The following C1QBP variants were observed in gnomAD, a reference collection of about 807,000 sequenced individuals.
The protein encoded by C1QBP is complement C1q binding protein.
Under a neutral mutation model 29.4 loss-of-function variants are expected in C1QBP, and 24 were observed. The ratio of observed to expected loss-of-function variants is 0.82; its 90% CI spans 0.59 to 1.15. C1QBP has a LOEUF of 1.15. Among genes scored for constraint, C1QBP ranks in the 50% most tolerant of loss-of-function variants. The pLI is 0.00. For synonymous variants in C1QBP, 182 were observed against 149.2 expected (o/e 1.22, Z -1.60); for missense variants, 337 against 355.8 (o/e 0.95, Z 0.43).
rs144122314 is a variant in C1QBP, at chr17:5,433,346, C to T, written c.646G>A (p.Glu216Lys). 5.7e-5 allele frequency: 92 copies of T among 1,614,148 alleles called. No homozygotes were observed. The East Asian group carries it at 1.2e-3, about 21-fold the overall frequency. ...TAATTAGTATCCTTCCATTCAGACT[C>T]GCCAGTGGACTGAAAGCTAACTTCC... ...IREVSFQSTG[E>K]SEWKDTNYTL... The change falls in exon 5 of 6, where the codon GAG (glutamate) becomes AAG (lysine). Residue 216 changes from glutamate (E) to lysine (K), a missense_variant. By Grantham distance (56) the Glu-to-Lys change is moderately conservative (BLOSUM62 1). Coordinates refer to ENST00000225698, the MANE Select transcript of C1QBP (RefSeq NM_001212.4).
At position 5,438,116 on chromosome 17, in the gene C1QBP, T is replaced by C. The variant is rs200416060; in HGVS notation, c.383+7A>G. 1 of 1,611,834 alleles carries C rather than the reference T, an allele frequency of 6.2e-7. No individual in the cohort carries two copies. Among genetic ancestry groups the C allele is most frequent in the Non-Finnish European group, 8.5e-7 (1 of 1,179,854 alleles). On this transcript the variant is annotated splice_region_variant and intron_variant, in intron 2 of 5. Coordinates refer to ENST00000225698, the MANE Select transcript of C1QBP (RefSeq NM_001212.4). Reference sequence around the variant, plus strand: ...TGCTGCCCTGGGATCCCCAGACCAGTACTTACTTTTCCCCGGCAACTTTCC... The same window carrying C: ...TGCTGCCCTGGGATCCCCAGACCAGCACTTACTTTTCCCCGGCAACTTTCC...
At chr17:5,438,420 A>G in intron 1 of C1QBP, 147 bp from the exon 2 acceptor site, 1 of 1,051,462 alleles carries the variant, frequency 9.5e-7, no homozygotes, top group Non-Finnish European at 1.3e-6. Flanking sequence ...CCTTATCGGT[A>G]AAAATACCAT....
intron 2 of C1QBP, among the ~76,000 whole-genome samples, chr17:5,435,915 A>C (rs928424184): frequency 1.3e-5 from 2 of 148,908 alleles, no homozygotes; most frequent in African/African-American, 5.1e-5. Flanking sequence ...GCGTGGTGGT[A>C]CGCGCCTGTA....
intron 2 of C1QBP, among the ~76,000 whole-genome samples, chr17:5,436,507 C>G (rs1053854088): frequency 1.3e-5 from 2 of 151,500 alleles, no homozygotes; most frequent in African/African-American, 4.9e-5. Context: ...ACAAGTTGCA[C>G]TTGGTGAATT....
At chr17:5,435,147 C>A (rs954363800) in intron 2 of C1QBP, among the ~76,000 whole-genome samples, 181 bp from the exon 3 acceptor site, 2 of 152,232 alleles carry the variant, frequency 1.3e-5, no homozygotes, top group African/African-American at 4.8e-5. Context: ...TACATCCAAT[C>A]CTGAGTGACT....
chr17:5,438,289 A>C lies in C1QBP; in HGVS notation c.233-16T>G. On this transcript the variant is annotated splice_polypyrimidine_tract_variant and intron_variant, in intron 1 of 5. Transcript: ENST00000225698. ...GCTTTGTCTCCTAGAAAAGAAATCC[A>C]GATACATAAAAAGGAAAGCCAGTTA... is the stretch of plus-strand genomic sequence containing the variant. 1 of 1,610,872 alleles carries C rather than the reference A, an allele frequency of 6.2e-7. No individual in the cohort carries two copies. The highest frequency in any genetic ancestry group is 1.7e-4 in the Middle Eastern group (1 of 6,044).
rs755568057 is a variant in C1QBP, at chr17:5,433,680, GATA to G, written c.562_564del (p.Tyr188del). On this transcript the variant is annotated inframe_deletion, in exon 4 of 6. Transcript: ENST00000225698. ...TCCATCCTGCATACCTCATCCTCTG[GATA>G]ATGACAGTCCAACACAAGGGCCTTC... 9 of 1,614,010 alleles carry G rather than the reference GATA, an allele frequency of 5.6e-6. No individual in the cohort carries two copies. The highest frequency in any genetic ancestry group is 5.3e-5 in the African/African-American group (4 of 74,906).
At chr17:5,434,290 C>T (rs960951195) in intron 3 of C1QBP, among the ~76,000 whole-genome samples, 9 of 152,124 alleles carry the variant, frequency 5.9e-5, no homozygotes, top group African/African-American at 1.7e-4. Context: ...AGAGCTGCGC[C>T]GTCCACACCA....
intron 2 of C1QBP, 67 bp from the exon 3 acceptor site, chr17:5,435,033 C>A: frequency 1.5e-6 from 2 of 1,334,426 alleles, no homozygotes. Context: ...AGCAGGTTAA[C>A]ACATAAACAT....
intron 3 of C1QBP, 28 bp from the exon 4 acceptor site, chr17:5,433,795 T>C (rs868858782): frequency 6.3e-7 from 1 of 1,589,354 alleles, no homozygotes; most frequent in South Asian, 1.1e-5. Flanking sequence ...CAATACATGC[T>C]GCTGCTGGAA....
At chr17:5,438,776 C>G (rs1164365729) in intron 1 of C1QBP, 66 bp downstream of exon 1, 5 of 1,544,246 alleles carry the variant, frequency 3.2e-6, no homozygotes, top group Non-Finnish European at 4.4e-6. Flanking sequence ...GGTTGCAGGC[C>G]CTATTCCTGG....
chr17:5,436,784 C>A (rs889504779), intron 2 of C1QBP, among the ~76,000 whole-genome samples: 43 of 152,124 alleles, frequency 2.8e-4, no homozygotes, highest in African/African-American at 9.2e-4. Flanking sequence ...CTTTGGGAGG[C>A]CAAGGCGGGC....
At chr17:5,436,246 C>T (rs1409359821) in intron 2 of C1QBP, among the ~76,000 whole-genome samples, 1 of 150,812 alleles carries the variant, frequency 6.6e-6, no homozygotes, top group Non-Finnish European at 1.5e-5. Flanking sequence ...TTTTTAATGG[C>T]CCCCAAATAG....
rs1567593301 is a variant in C1QBP at position 5,439,044 on chromosome 17, A to G, written c.30T>C (p.Arg10=). 1 of 1,527,212 alleles carries G rather than the reference A, an allele frequency of 6.5e-7. No individual in the cohort carries two copies. Among genetic ancestry groups the G allele is most frequent in the East Asian group, 2.7e-5 (1 of 37,606 alleles). The allele number at this position is 1,527,212 out of a possible 1,614,324, so 94.6% of individuals were successfully genotyped here. The part of the protein sequence containing the change: MLPLLRCVP[R]VLGSSVAGLR... ...GGCCGGCGACGGAGGAGCCCAGCAC[A>G]CGGGGCACGCAGCGCAGCAGAGGCA... The change falls in exon 1 of 6, where the codon CGT becomes CGC. Residue 10 remains arginine, a synonymous_variant. Coordinates refer to ENST00000225698, the MANE Select transcript of C1QBP (RefSeq NM_001212.4).
chr17:5,437,619 A>C (rs1381211673), intron 2 of C1QBP, among the ~76,000 whole-genome samples: 1 of 152,208 alleles, frequency 6.6e-6, no homozygotes, highest in Non-Finnish European at 1.5e-5. Context: ...GCTCAATTTA[A>C]AAACCTGGAA....
intron 3 of C1QBP, chr17:5,434,242 A>T (rs1215903225): frequency 5.0e-6 from 1 of 200,272 alleles, no homozygotes; most frequent in Non-Finnish European, 1.0e-5. Flanking sequence ...AACGTCAGGG[A>T]GATGCTAGTT....
chr17:5,433,027 G>C lies in C1QBP; in HGVS notation c.837C>G (p.Val279=). The C allele has an allele frequency of 6.2e-7, 1 of 1,612,948 alleles. No homozygotes were observed. The highest frequency in any genetic ancestry group is 8.5e-7 in the Non-Finnish European group (1 of 1,179,738). The change falls in exon 6 of 6, where the codon GTC becomes GTG. Residue 279 remains valine (V), a synonymous_variant. Coordinates refer to ENST00000225698, the MANE Select transcript of C1QBP (RefSeq NM_001212.4). The stretch of plus-strand genomic sequence containing the variant: ...GCATCTGTCTGCTCTACTGGCTCTT[G>C]ACAAAACTCTTGAGGTCTTCAAGAA... ...ITFLEDLKSF[V]KSQ
At chr17:5,435,010 A>T in intron 2 of C1QBP, 44 bp from the exon 3 acceptor site, 1 of 1,407,474 alleles carries the variant, frequency 7.1e-7, no homozygotes, top group Non-Finnish European at 9.8e-7. Flanking sequence ...CAGACAAGGC[A>T]TGGTTTTAAC....
rs1162611647 is a variant in C1QBP at position 5,439,102 on chromosome 17, T to C, written c.-29A>G. On this transcript the variant is annotated 5_prime_UTR_variant, in exon 1 of 6. Transcript: ENST00000225698. ...GGAAACGACTGCGAACACGTGCAGATGCAAAGGACAACCCAGGCCTAGGCG... is the reference window on the plus strand; with the variant it reads ...GGAAACGACTGCGAACACGTGCAGACGCAAAGGACAACCCAGGCCTAGGCG... 3.9e-6 allele frequency: 6 copies of C among 1,539,974 alleles called. No individual in the cohort carries two copies. In the African/African-American group the frequency reaches 4.2e-5, roughly 11 times the overall value.
Sources: gnomAD v4.1 joint callset for allele counts (sites outside exome capture counted in the v4.1 genomes callset) on GRCh38, gnomAD v4.1.1 for gene constraint, MANE v1.5 for transcripts, NCBI Gene and HGNC (gene_info 2026-07-23, HGNC 2026-07-21) for gene names.